WDR43: variants seen among roughly 807,000 people sequenced by gnomAD.
WDR43 encodes the protein WD repeat domain 43.
WDR43 carries 13 observed loss-of-function variants against 91.4 expected under a neutral mutation model. That is an observed-to-expected ratio of 0.14 (90% CI 0.09 to 0.23). The LOEUF is 0.23. WDR43 is among the 10% of genes least tolerant of loss of function. The probability of loss-of-function intolerance (pLI) is 1.00; values close to 1 mark genes in which losing one functional copy is unlikely to be tolerated. For synonymous variants in WDR43, 331 were observed against 287.9 expected, an observed-to-expected ratio of 1.15 and a Z score of -1.51; for missense variants, 780 against 809.4, an observed-to-expected ratio of 0.96 and a Z score of 0.44.
At chr2:28,944,646 A>T (rs1671508489) in intron 16 of WDR43, among the ~76,000 whole-genome samples, 1 of 152,222 alleles carries the variant, frequency 6.6e-6, no homozygotes. Flanking sequence ...AGATCGAGTT[A>T]ACACGCATAA....
intron 11 of WDR43, among the ~76,000 whole-genome samples, chr2:28,933,736 G>A (rs73920402): frequency 0.038 from 5,769 of 152,218 alleles, 363 homozygotes; most frequent in African/African-American, 0.13. Flanking sequence ...AAGGTATTAT[G>A]CATTATTAAT....
chr2:28,923,946 G>A (rs1220599328), intron 7 of WDR43, among the ~76,000 whole-genome samples: 1 of 152,130 alleles, frequency 6.6e-6, no homozygotes, highest in Non-Finnish European at 1.5e-5. Context: ...ATTGAGAATA[G>A]ACTATAGAGG....
chr2:28,920,823 C>T (rs6547893), intron 6 of WDR43, among the ~76,000 whole-genome samples: 62,022 of 151,502 alleles, frequency 0.41, 13,422 homozygotes, highest in Middle Eastern at 0.53. Context: ...ACTACAGGCA[C>T]GCACCATCAC....
chr2:28,911,685 G>C (rs1198708962), intron 3 of WDR43, among the ~76,000 whole-genome samples: 6 of 148,236 alleles, frequency 4.0e-5, no homozygotes, highest in Non-Finnish European at 5.9e-5. Flanking sequence ...AGGCTGGAGT[G>C]CAGTGGTGCG....
At chr2:28,945,390 G>A (rs1297646409) in intron 16 of WDR43, among the ~76,000 whole-genome samples, 1 of 152,182 alleles carries the variant, frequency 6.6e-6, no homozygotes, top group Non-Finnish European at 1.5e-5. Context: ...CTAGACTCGA[G>A]TTTTGCATCA....
In WDR43 at chr2:28,948,069, T is replaced by G. The variant is rs1671584800; in HGVS notation, c.*1290T>G. 6.6e-6 allele frequency: 1 copy of G among 152,186 alleles called. No homozygotes were observed. Among genetic ancestry groups the G allele is most frequent in the Non-Finnish European group, 1.5e-5 (1 of 68,022 alleles). The allele number at this position is 152,186 out of a possible 1,614,324, so 9.4% of individuals were successfully genotyped here. ...CAGAACAGAGATTTGTGTGCTCATC[T>G]TAAGAGCCAGAGCCATATAAGCATC... On this transcript the variant is annotated 3_prime_UTR_variant, in exon 18 of 18. Coordinates refer to ENST00000407426, the MANE Select transcript of WDR43 (RefSeq NM_015131.3).
intron 2 of WDR43, among the ~76,000 whole-genome samples, chr2:28,904,642 A>G (rs1315927149): frequency 6.6e-6 from 1 of 152,220 alleles, no homozygotes; most frequent in Non-Finnish European, 1.5e-5. Context: ...TATATTTTCT[A>G]ACTGAATTCT....
chr2:28,942,232 G>A (rs919618978), intron 15 of WDR43, 80 bp from the exon 16 acceptor site: 162 of 1,390,540 alleles, frequency 1.2e-4, no homozygotes, highest in Non-Finnish European at 1.6e-4. Context: ...AAGCAGTGGG[G>A]AAGGTTGGGT....
At chr2:28,933,353 A>T (rs1042801645) in intron 11 of WDR43, among the ~76,000 whole-genome samples, 24 of 152,220 alleles carry the variant, frequency 1.6e-4, no homozygotes, top group African/African-American at 5.8e-4. Context: ...AATGGATCTC[A>T]GTTTTATCTC....
At chr2:28,913,424 A>G (rs1044318294) in intron 4 of WDR43, among the ~76,000 whole-genome samples, 2 of 152,050 alleles carry the variant, frequency 1.3e-5, no homozygotes, top group African/African-American at 4.8e-5. Flanking sequence ...TTGACCTCCC[A>G]GGCTCAAGCG....
chr2:28,907,550 C>T (rs1455581544), intron 3 of WDR43, among the ~76,000 whole-genome samples: 1 of 149,870 alleles, frequency 6.7e-6, no homozygotes, highest in African/African-American at 2.5e-5. Flanking sequence ...GAGGTTGAGG[C>T]TGTAGTGAGC....
In WDR43 at chr2:28,927,651, C is replaced by T. The variant is rs773052466; in HGVS notation, c.1256C>T (p.Pro419Leu). Residue 419 changes from proline (P) to leucine (L), a missense_variant, in exon 10 of 18, where the codon CCT becomes CTT. Coordinates refer to ENST00000407426, the MANE Select transcript of WDR43 (RefSeq NM_015131.3). ...CATCATGCAGCTATCAAGCCCGCTC[C>T]TCCACAAACCGAGCAAGTAGAGAGC... The part of the protein sequence containing the change: ...PGHHAAIKPA[P>L]PQTEQVESKR... 11 of 1,613,930 alleles carry T rather than the reference C, an allele frequency of 6.8e-6. No individual in the cohort carries two copies. The Admixed American group carries it at 1.7e-4, about 24-fold the overall frequency.
Position 28,917,912 on chromosome 2 carries a change from A to C in WDR43, c.766A>C (p.Lys256Gln). The C allele has an allele frequency of 3.2e-6, 5 of 1,583,726 alleles. No individual in the cohort carries two copies. The highest frequency in any genetic ancestry group is 4.3e-6 in the Non-Finnish European group (5 of 1,163,910). ...LNVWQVRSENKEKSAVMSFTV... is the reference protein window; with the variant it reads ...LNVWQVRSENQEKSAVMSFTV... Reference sequence around the variant, plus strand: ...ATCTAGGCAGGTCCGATCAGAAAACAAAGAAAAGAGTGCAGTGATGTCATT... The same window carrying C: ...ATCTAGGCAGGTCCGATCAGAAAACCAAGAAAAGAGTGCAGTGATGTCATT... The change falls in exon 6 of 18, where the codon AAA (lysine) becomes CAA (glutamine). Residue 256 changes from lysine (K) to glutamine (Q), a missense_variant. Lys to Gln is a moderately conservative substitution (Grantham distance 53). Coordinates refer to ENST00000407426, the MANE Select transcript of WDR43 (RefSeq NM_015131.3).
Position 28,909,671 on chromosome 2 carries a change from G to A in WDR43, c.486-2919G>A, listed in dbSNP as rs576939954. Among the ~76,000 whole-genome samples the A allele has an allele frequency of 4.6e-5, 7 of 152,170 alleles. No homozygotes were observed. The East Asian group carries it at 1.4e-3, about 29-fold the overall frequency. The stretch of plus-strand genomic sequence containing the variant: ...AAGGATTGCTTGAGCTTAGGAGTTC[G>A]AGACTGTCCTGGGAAACATAGTGAG... On this transcript the variant is annotated intron_variant, in intron 3 of 17. Coordinates refer to ENST00000407426, the MANE Select transcript of WDR43 (RefSeq NM_015131.3).
intron 2 of WDR43, among the ~76,000 whole-genome samples, chr2:28,904,692 C>T (rs375865237): frequency 6.6e-6 from 1 of 152,112 alleles, no homozygotes; most frequent in Non-Finnish European, 1.5e-5. Context: ...TAGTTACTTG[C>T]GTGTATATAA....
At chr2:28,923,082 C>A in intron 7 of WDR43, 99 bp downstream of exon 7, 1 of 1,001,858 alleles carries the variant, frequency 1.0e-6, no homozygotes, top group Non-Finnish European at 1.5e-6. Context: ...TATTACTATT[C>A]AGCCAGATTA....
intron 16 of WDR43, among the ~76,000 whole-genome samples, chr2:28,944,495 A>C (rs958849313): frequency 1.3e-5 from 2 of 152,226 alleles, no homozygotes; most frequent in Non-Finnish European, 2.9e-5. Context: ...ATATATGTAG[A>C]GATTATATAA....
intron 11 of WDR43, chr2:28,930,287 C>G (rs545880496): frequency 7.1e-5 from 24 of 338,222 alleles, no homozygotes; most frequent in Non-Finnish European, 1.2e-4. Flanking sequence ...TATGAAGTTA[C>G]TCAGTTTGAT....
chr2:28,924,882 C>T (rs1020632233), intron 7 of WDR43, 100 bp from the exon 8 acceptor site: 2 of 1,424,090 alleles, frequency 1.4e-6, no homozygotes, highest in Non-Finnish European at 1.9e-6. Context: ...AGTATAGAGG[C>T]TAGAGGGGGG....
Sources: allele counts gnomAD v4.1 joint callset (sites outside exome capture counted in the v4.1 genomes callset), GRCh38; gene constraint gnomAD v4.1.1; transcripts MANE v1.5; gene names NCBI Gene and HGNC (gene_info 2026-07-23, HGNC 2026-07-21).